SBF2: variants seen among roughly 807,000 people sequenced by gnomAD.
SBF2 encodes myotubularin-related protein 13.
Under a neutral mutation model 225.2 loss-of-function variants are expected in SBF2, and 112 were observed. That is an observed-to-expected ratio of 0.50 (90% confidence interval 0.43 to 0.58). The LOEUF (loss-of-function observed/expected upper bound fraction) is 0.58. SBF2 is among the 20% of genes least tolerant of loss of function. The pLI, the probability that SBF2 is intolerant of heterozygous loss-of-function variation, is 0.00. For synonymous variants in SBF2, 763 were observed against 773.3 expected, an observed-to-expected ratio of 0.99 and a Z score of 0.22; for missense variants, 1,996 against 2,206.2, an observed-to-expected ratio of 0.90 and a Z score of 1.91.
chr11:9,891,225 C>T (rs1052460363), intron 17 of SBF2, among the ~76,000 whole-genome samples: 1 of 151,694 alleles, frequency 6.6e-6, no homozygotes, highest in Non-Finnish European at 1.5e-5. Context: ...AGGAATAATA[C>T]AAAAGTATGC....
intron 2 of SBF2, among the ~76,000 whole-genome samples, chr11:10,179,437 A>T (rs914055689): frequency 6.6e-6 from 1 of 152,076 alleles, no homozygotes; most frequent in South Asian, 2.1e-4. Flanking sequence ...TATTTTTGTC[A>T]CCTAATGTAT....
rs191226561 is a variant in SBF2 at position 10,210,945 on chromosome 11, G to A, written c.56-16958C>T. 1.2e-3 allele frequency among the ~76,000 whole-genome samples: 162 copies of A among 138,334 alleles called. 2 individuals are homozygous for A. The highest frequency in any genetic ancestry group is 4.3e-3 in the Middle Eastern group (1 of 232). The allele number at this position is 138,334 out of a possible 152,430, so 90.8% of individuals were successfully genotyped here. On this transcript the variant is annotated intron_variant, in intron 1 of 39. Transcript: ENST00000256190. ...GGAGAATCGTTTGAACCCAGGAGGC[G>A]GAGGTTTCAGTGAGCTGAAATTGCG...
At chr11:10,228,229 G>C (rs1442121253) in intron 1 of SBF2, among the ~76,000 whole-genome samples, 1 of 152,148 alleles carries the variant, frequency 6.6e-6, no homozygotes, top group African/African-American at 2.4e-5. Flanking sequence ...GGGCTGAGAC[G>C]ATGGGGTTTT....
At chr11:10,275,344 T>C (rs181868236) in intron 1 of SBF2, among the ~76,000 whole-genome samples, 1 of 152,196 alleles carries the variant, frequency 6.6e-6, no homozygotes, top group South Asian at 2.1e-4. Flanking sequence ...TAAAAGTCTT[T>C]AGTGGCAAAA....
At chr11:10,122,861 A>G (rs1404380297) in intron 2 of SBF2, among the ~76,000 whole-genome samples, 1 of 152,142 alleles carries the variant, frequency 6.6e-6, no homozygotes, top group Non-Finnish European at 1.5e-5. Flanking sequence ...AAGAATTGAA[A>G]CTCTATAGAA....
At chr11:9,996,975 C>T (rs1168242377) in intron 9 of SBF2, among the ~76,000 whole-genome samples, 2 of 152,116 alleles carry the variant, frequency 1.3e-5, no homozygotes, top group Non-Finnish European at 2.9e-5. Context: ...TTCAGGTATC[C>T]TGTATCCCAC....
Position 9,789,358 on chromosome 11 carries a change from G to C in SBF2, c.4699-16C>G. ...GCTTTAGAGCCTGTTAAAGAAAACA[G>C]AAATATAGTTTCATCTTGACCCCAA... On this transcript the variant is annotated splice_polypyrimidine_tract_variant and intron_variant, in intron 34 of 39. Transcript: ENST00000256190. The C allele has an allele frequency of 6.3e-7, 1 of 1,596,740 alleles. No homozygotes were observed. Among genetic ancestry groups the C allele is most frequent in the East Asian group, 2.2e-5 (1 of 44,790 alleles).
intron 4 of SBF2, among the ~76,000 whole-genome samples, chr11:10,030,486 CAAAT>C (rs1169577919): frequency 1.3e-5 from 2 of 152,114 alleles, no homozygotes; most frequent in East Asian, 3.8e-4. Flanking sequence ...TTTTATAACA[CAAAT>C]AATCTCAATT....
At chr11:10,225,081 C>A (rs1958485746) in intron 1 of SBF2, among the ~76,000 whole-genome samples, 1 of 152,082 alleles carries the variant, frequency 6.6e-6, no homozygotes. Context: ...AATAAAAGCT[C>A]ATAGTGTATT....
At chr11:10,228,466 G>A (rs970735657) in intron 1 of SBF2, among the ~76,000 whole-genome samples, 2 of 152,130 alleles carry the variant, frequency 1.3e-5, no homozygotes, top group African/African-American at 2.4e-5. Flanking sequence ...GTTTGTCATA[G>A]ATAGCTCTTA....
At chr11:9,909,379 T>C (rs1862393385) in intron 16 of SBF2, among the ~76,000 whole-genome samples, 1 of 151,962 alleles carries the variant, frequency 6.6e-6, no homozygotes, top group African/African-American at 2.4e-5. Flanking sequence ...CAATATAAGA[T>C]ACCCTGAGGC....
chr11:9,792,941 T>TG (rs1564858036), intron 33 of SBF2, among the ~76,000 whole-genome samples: 18 of 58,042 alleles, frequency 3.1e-4, no homozygotes, highest in South Asian at 8.0e-4. Flanking sequence ...GTGTGTGTGT[T>TG]TTTTTTTTTT....
intron 16 of SBF2, among the ~76,000 whole-genome samples, chr11:9,938,492 A>C (rs949132123): frequency 6.6e-6 from 1 of 151,978 alleles, no homozygotes; most frequent in Non-Finnish European, 1.5e-5. Context: ...TCAATGTAGG[A>C]TAATTTGCTT....
rs1457733746 is a variant in SBF2, at chr11:9,895,969, G to T, written c.1903C>A (p.Leu635Ile). ...CTATAGAAAGCACTGGTCAAAGGGA[G>T]TAATGCTGCGGCAATGTTGTATTCT... Reference protein sequence around the residue: ...LEEYNIAAALLPLTSAFYRKL... With the variant: ...LEEYNIAAALIPLTSAFYRKL... Residue 635 changes from leucine (L) to isoleucine (I), a missense_variant, in exon 17 of 40, where the codon CTC (leucine) becomes ATC (isoleucine). By Grantham distance (5) the Leu-to-Ile change is conservative (BLOSUM62 2). Transcript: ENST00000256190. 2 of 1,613,058 alleles carry T rather than the reference G, an allele frequency of 1.2e-6. No homozygotes were observed.
intron 28 of SBF2, among the ~76,000 whole-genome samples, chr11:9,824,919 A>C (rs1854979863): frequency 6.6e-6 from 1 of 152,236 alleles, no homozygotes; most frequent in African/African-American, 2.4e-5. Context: ...CTGAAATACT[A>C]GGAACCTTAG....
intron 16 of SBF2, among the ~76,000 whole-genome samples, chr11:9,942,932 A>ATTT (rs1360906510): frequency 5.3e-5 from 8 of 150,490 alleles, no homozygotes; most frequent in Non-Finnish European, 8.9e-5. Context: ...AGAAAGAAAG[A>ATTT]AAGAAAGAAG....
intron 17 of SBF2, among the ~76,000 whole-genome samples, chr11:9,877,764 T>C (rs1417913504): frequency 6.6e-6 from 1 of 152,228 alleles, no homozygotes; most frequent in Non-Finnish European, 1.5e-5. Flanking sequence ...CCATGGTGTT[T>C]ATGTGCCACA....
intron 1 of SBF2, among the ~76,000 whole-genome samples, chr11:10,223,553 T>C (rs188608349): frequency 4.6e-4 from 70 of 151,550 alleles, no homozygotes; most frequent in African/African-American, 1.6e-3. Flanking sequence ...AAAGTTTATG[T>C]CATCTGTTTA....
intron 17 of SBF2, among the ~76,000 whole-genome samples, chr11:9,873,800 G>A (rs960348181): frequency 3.3e-5 from 5 of 152,218 alleles, no homozygotes; most frequent in African/African-American, 1.2e-4. Flanking sequence ...TGTAATCCCA[G>A]CACTTTGGGA....
Sources: gnomAD v4.1 joint callset for allele counts (sites outside exome capture counted in the v4.1 genomes callset) on GRCh38, gnomAD v4.1.1 for gene constraint, MANE v1.5 for transcripts, NCBI Gene and HGNC (gene_info 2026-07-23, HGNC 2026-07-21) for gene names.